DOC2B: variants seen among roughly 807,000 people sequenced by gnomAD.
The protein encoded by DOC2B is double C2 domain beta.
DOC2B carries 21 observed loss-of-function variants against 28.9 expected under a neutral mutation model. That is an observed-to-expected ratio of 0.73 (90% CI 0.52 to 1.05). DOC2B has a LOEUF of 1.05. Ranked by LOEUF, DOC2B falls within the 50% of genes least tolerant of loss-of-function variation. The pLI is 0.00. For missense variants in DOC2B, 384 were observed against 421.1 expected (o/e 0.91, Z 0.77); for synonymous variants, 194 against 178.1 (o/e 1.09, Z -0.71).
chr17:150,230 A>G (rs1051458644), intron 6 of DOC2B, among the ~76,000 whole-genome samples: 1 of 152,226 alleles, frequency 6.6e-6, no homozygotes, highest in Non-Finnish European at 1.5e-5. Context: ...CTGTTCCTGC[A>G]TAGATAATTG....
intron 1 of DOC2B, among the ~76,000 whole-genome samples, chr17:180,247 C>T (rs1355948437): frequency 2.6e-5 from 4 of 152,250 alleles, no homozygotes; most frequent in Admixed American, 1.3e-4. Flanking sequence ...CTTCCGGCCT[C>T]GGTTTCCCAG....
intron 5 of DOC2B, 135 bp downstream of exon 5, chr17:161,280 T>G: frequency 1.1e-6 from 1 of 943,460 alleles, no homozygotes; most frequent in Non-Finnish European, 1.6e-6. Flanking sequence ...CCCTTGACTC[T>G]CCATGCTCAC....
At chr17:147,921 C>T (rs1196213314) in intron 8 of DOC2B, among the ~76,000 whole-genome samples, 1 of 152,162 alleles carries the variant, frequency 6.6e-6, no homozygotes, top group East Asian at 1.9e-4. Flanking sequence ...GAGTCCAGCC[C>T]GAGGCACTGC....
chr17:164,744 G>T (rs538461554), intron 2 of DOC2B, among the ~76,000 whole-genome samples: 1 of 152,284 alleles, frequency 6.6e-6, no homozygotes, highest in African/African-American at 2.4e-5. Context: ...TCTCACTCTG[G>T]TTCTTTCAGA....
At chr17:180,752 C>T (rs1289416260) in intron 1 of DOC2B, among the ~76,000 whole-genome samples, 2 of 151,790 alleles carry the variant, frequency 1.3e-5, no homozygotes, top group African/African-American at 4.8e-5. Context: ...GACGCAGCTC[C>T]GCCCTTCCCG....
chr17:160,569 T>C (rs2040189554), intron 5 of DOC2B, among the ~76,000 whole-genome samples: 1 of 152,074 alleles, frequency 6.6e-6, no homozygotes, highest in South Asian at 2.1e-4. Context: ...CCAGTCCTCT[T>C]AGGGGGACAA....
At chr17:177,381 T>G (rs1165517097) in intron 1 of DOC2B, among the ~76,000 whole-genome samples, 1 of 152,258 alleles carries the variant, frequency 6.6e-6, no homozygotes, top group Non-Finnish European at 1.5e-5. Flanking sequence ...CTCATAGGTC[T>G]CTTCCCCTTC....
intron 5 of DOC2B, 41 bp downstream of exon 5, chr17:161,374 C>T (rs1555523203): frequency 2.6e-6 from 4 of 1,546,864 alleles, no homozygotes; most frequent in South Asian, 1.2e-5. Flanking sequence ...GCACCTGCCA[C>T]CGAGCCAGGT....
rs1401898544 is a variant in DOC2B, at chr17:144,255, GTTGT to G, written c.*3182_*3185del. On this transcript the variant is annotated 3_prime_UTR_variant, in exon 9 of 9. Transcript: ENST00000613549. ...AGCCGCTTCTGCAGCTTCTCAAAGC[GTTGT>G]TTGTTTGTTTTTTTTCTGAGACGGA... The G allele has an allele frequency of 0.37, 55,806 of 151,376 alleles. 10,287 individuals are homozygous for G. Among genetic ancestry groups the G allele is most frequent in the Non-Finnish European group, 0.39 (26,587 of 67,816 alleles). The allele number at this position is 151,376 out of a possible 1,614,324, so 9.4% of individuals were successfully genotyped here.
intron 4 of DOC2B, among the ~76,000 whole-genome samples, 200 bp downstream of exon 4, chr17:161,881 A>T (rs1555523296): frequency 6.6e-6 from 1 of 152,208 alleles, no homozygotes; most frequent in Admixed American, 6.5e-5. Context: ...GACTGGGGCC[A>T]GGGTGACCCT....
chr17:156,499 G>A, intron 5 of DOC2B, 122 bp from the exon 6 acceptor site: 1 of 1,057,810 alleles, frequency 9.5e-7, no homozygotes, highest in Non-Finnish European at 1.4e-6. Flanking sequence ...ACGGTCCCTG[G>A]TGAGTGGCCT....
rs151085016 is a variant in DOC2B, at chr17:174,198, C to T, written c.374-1582G>A. Among the ~76,000 whole-genome samples the T allele has an allele frequency of 3.5e-3, 539 of 152,288 alleles. 3 individuals are homozygous for T. Among genetic ancestry groups the T allele is most frequent in the African/African-American group, 0.012 (498 of 41,544 alleles). ...CGGGTCAGGCACATGTCTCTGTCTTCGCAGCAGTGTGGGGTGCAAGACCTG... is the reference window on the plus strand; with the variant it reads ...CGGGTCAGGCACATGTCTCTGTCTTTGCAGCAGTGTGGGGTGCAAGACCTG... On this transcript the variant is annotated intron_variant, in intron 1 of 8. Transcript: ENST00000613549.
At chr17:151,564 AG>A (rs1311216246) in intron 6 of DOC2B, among the ~76,000 whole-genome samples, 1 of 152,166 alleles carries the variant, frequency 6.6e-6, no homozygotes, top group Non-Finnish European at 1.5e-5. Flanking sequence ...ATTTTAAAAA[AG>A]TTTGGGGGGA....
chr17:176,904 C>G (rs1240224681), intron 1 of DOC2B, among the ~76,000 whole-genome samples: 1 of 152,156 alleles, frequency 6.6e-6, no homozygotes, highest in East Asian at 1.9e-4. Context: ...CAAGCTCAAG[C>G]CCCTGTTGGC....
chr17:151,945 C>T (rs924431972), intron 6 of DOC2B, among the ~76,000 whole-genome samples: 2 of 152,218 alleles, frequency 1.3e-5, no homozygotes, highest in Non-Finnish European at 2.9e-5. Context: ...CCTCACCTGA[C>T]CACTCTGGGG....
rs573789129 is a variant in DOC2B at position 163,342 on chromosome 17, C to T, written c.528+788G>A. 8.5e-5 allele frequency among the ~76,000 whole-genome samples: 13 copies of T among 152,312 alleles called. 1 individual carries two copies. In the East Asian group the frequency reaches 1.9e-3, roughly 23 times the overall value. ...TGGTGGGGCACTGCCATTTCTCCTACAGTCCTGCCTTCCCTAGAGAAGGGG... is the reference window on the plus strand; with the variant it reads ...TGGTGGGGCACTGCCATTTCTCCTATAGTCCTGCCTTCCCTAGAGAAGGGG... On this transcript the variant is annotated intron_variant, in intron 3 of 8. Transcript: ENST00000613549.
chr17:161,257 C>CCTCACCTCCACCCCCTTGACTCTCCATG (rs2040198946), intron 5 of DOC2B, among the ~76,000 whole-genome samples, 158 bp downstream of exon 5: 1 of 152,098 alleles, frequency 6.6e-6, no homozygotes, highest in African/African-American at 2.4e-5. Flanking sequence ...CAGGGTCCTT[C>CCTCACCTCCACCCCCTTGACTCTCCATG]CTCACCTCCA....
chr17:156,103 C>A, intron 6 of DOC2B, 117 bp downstream of exon 6: 4 of 1,196,966 alleles, frequency 3.3e-6, no homozygotes, highest in Non-Finnish European at 4.6e-6. Context: ...GAACACAGCG[C>A]CCCTGTACCT....
chr17:151,984 C>G (rs189415539), intron 6 of DOC2B, among the ~76,000 whole-genome samples: 1 of 152,208 alleles, frequency 6.6e-6, no homozygotes, highest in Non-Finnish European at 1.5e-5. Flanking sequence ...CCTGAGCATA[C>G]CCTACTCTGG....
Sources: allele counts gnomAD v4.1 joint callset (sites outside exome capture counted in the v4.1 genomes callset), GRCh38; gene constraint gnomAD v4.1.1; transcripts MANE v1.5; gene names NCBI Gene and HGNC (gene_info 2026-07-23, HGNC 2026-07-21).